DCAF4: variants seen among roughly 807,000 people sequenced by gnomAD.
DCAF4 encodes the protein DDB1- and CUL4-associated factor 4.
A neutral mutation model predicts 60.9 loss-of-function variants in DCAF4; 37 were observed. The ratio of observed to expected loss-of-function variants is 0.61; its 90% CI spans 0.47 to 0.80. The LOEUF (loss-of-function observed/expected upper bound fraction) is 0.80. Ranked by LOEUF, DCAF4 falls within the 30% of genes least tolerant of loss-of-function variation. The pLI, the probability that DCAF4 is intolerant of heterozygous loss-of-function variation, is 0.00. For missense variants in DCAF4, 577 were observed against 650.0 expected, an observed-to-expected ratio of 0.89 and a Z score of 1.22; for synonymous variants, 243 against 254.8, an observed-to-expected ratio of 0.95 and a Z score of 0.44.
intron 1 of DCAF4, among the ~76,000 whole-genome samples, chr14:72,937,519 C>T (rs1889444059): frequency 6.8e-6 from 1 of 146,996 alleles, no homozygotes. Context: ...CTCCCGGGTT[C>T]AAGCGATTCT....
intron 6 of DCAF4, among the ~76,000 whole-genome samples, chr14:72,943,959 C>T (rs919278330): frequency 6.6e-6 from 1 of 152,206 alleles, no homozygotes; most frequent in African/African-American, 2.4e-5. Flanking sequence ...GGACCGGGCC[C>T]ACATTCTCCC....
At chr14:72,960,240 C>A (rs772059357), downstream of DCAF4, among the ~76,000 whole-genome samples, 8 of 151,770 alleles carry the variant, frequency 5.3e-5, no homozygotes, top group Non-Finnish European at 1.0e-4. Flanking sequence ...CCCTCCACCT[C>A]CTGGGTTCTA....
chr14:72,928,598 T>TATAA, intron 1 of DCAF4, among the ~76,000 whole-genome samples: 1 of 27,450 alleles, frequency 3.6e-5, no homozygotes, highest in African/African-American at 6.8e-5. Flanking sequence ...TATATATATA[T>TATAA]ATATATATAT....
At chr14:72,928,006 G>A (rs988284498) in intron 1 of DCAF4, among the ~76,000 whole-genome samples, 9 of 151,414 alleles carry the variant, frequency 5.9e-5, no homozygotes, top group African/African-American at 2.2e-4. Context: ...TCACTATGTT[G>A]CCCAGGCTGG....
chr14:72,938,683 G>A (rs1256363830), intron 2 of DCAF4, among the ~76,000 whole-genome samples: 1 of 152,164 alleles, frequency 6.6e-6, no homozygotes, highest in Non-Finnish European at 1.5e-5. Context: ...GAGGCAGTCA[G>A]TACACAGTGG....
At position 72,955,914 on chromosome 14, in the gene DCAF4, C is replaced by CTTTTTTTTT. The variant is rs71109770; in HGVS notation, c.1179+236_1179+244dup. ...GTGAAAAGGATTCTCTGGTTATGTC[C>CTTTTTTTTT]TTTTTTTTTTTTTTTTTTTTTTTTT... On this transcript the variant is annotated intron_variant, in intron 12 of 13. Coordinates refer to ENST00000358377, the MANE Select transcript of DCAF4 (RefSeq NM_015604.4). Among the ~76,000 whole-genome samples the CTTTTTTTTT allele has an allele frequency of 2.0e-4, 11 of 54,728 alleles. 1 individual carries two copies. The highest frequency in any genetic ancestry group is 7.2e-4 in the African/African-American group (10 of 13,932). 35.9% of individuals were successfully genotyped at this position (54,728 alleles called of 152,430 possible). A position where few individuals can be genotyped will look rare whatever the true frequency, so the allele number is the denominator to read the frequency against.
intron 1 of DCAF4, chr14:72,929,949 C>G: frequency 1.1e-6 from 1 of 908,822 alleles, no homozygotes; most frequent in East Asian, 2.7e-5. Flanking sequence ...CTCTCCATGG[C>G]GGCCGTGGCG....
chr14:72,952,365 G>A (rs1891530492), intron 9 of DCAF4, among the ~76,000 whole-genome samples: 1 of 152,156 alleles, frequency 6.6e-6, no homozygotes, highest in Non-Finnish European at 1.5e-5. Flanking sequence ...TCCCAGCTCT[G>A]CCCCTTGCCA....
chr14:72,958,786 A>G lies in DCAF4; in HGVS notation c.1469A>G (p.Tyr490Cys), dbSNP rs1424221028. Residue 490 changes from tyrosine to cysteine, a missense_variant, in exon 14 of 14, where the codon TAC becomes TGC. By Grantham distance (194) the Tyr-to-Cys change is radical. Coordinates refer to ENST00000358377, the MANE Select transcript of DCAF4 (RefSeq NM_015604.4). The stretch of plus-strand genomic sequence containing the variant: ...CTCATGGCTGTCGGGCAGGACCTTT[A>G]CTGTTACTCCTACAGCTAATTCTGC... ...GLLMAVGQDL[Y>C]CYSYS is the part of the protein sequence containing the mutation. The G allele has an allele frequency of 6.3e-7, 1 of 1,577,850 alleles. No homozygotes were observed. The highest frequency in any genetic ancestry group is 1.4e-5 in the African/African-American group (1 of 73,708).
chr14:72,938,172 C>T, intron 2 of DCAF4, 102 bp downstream of exon 2: 1 of 1,422,426 alleles, frequency 7.0e-7, no homozygotes, highest in African/African-American at 1.4e-5. Context: ...CCTGGGGGCT[C>T]GTCCCAATGC....
chr14:72,953,890 C>T (rs1454251699), intron 9 of DCAF4, among the ~76,000 whole-genome samples: 1 of 147,696 alleles, frequency 6.8e-6, no homozygotes, highest in African/African-American at 2.5e-5. Context: ...TCGGAGCCAC[C>T]TTACCTCCAA....
rs749673409 is a variant in DCAF4, at chr14:72,941,733, TAATA to T, written c.352-7_352-4del. 3.7e-5 allele frequency: 60 copies of T among 1,611,616 alleles called. No homozygotes were observed. The highest frequency in any genetic ancestry group is 1.0e-5 in the Non-Finnish European group (12 of 1,178,768). On this transcript the variant is annotated splice_polypyrimidine_tract_variant and splice_region_variant and intron_variant, in intron 4 of 13. Coordinates refer to ENST00000358377, the MANE Select transcript of DCAF4 (RefSeq NM_015604.4). ...CTTCATTGAATTGTTCTCTTTTTTG[TAATA>T]AATATAGATTGCCAGGATGGGATTT...
intron 12 of DCAF4, among the ~76,000 whole-genome samples, chr14:72,956,121 C>T (rs1892264196): frequency 6.6e-6 from 1 of 151,938 alleles, no homozygotes; most frequent in Admixed American, 6.6e-5. Flanking sequence ...TGGGGTTTCA[C>T]CATGTTGGTC....
At chr14:72,938,348 G>A (rs1438027954) in intron 2 of DCAF4, among the ~76,000 whole-genome samples, 2 of 152,164 alleles carry the variant, frequency 1.3e-5, no homozygotes, top group Admixed American at 6.5e-5. Context: ...CAGAGCATTC[G>A]CCATAAAGCT....
At chr14:72,956,626 A>G in intron 13 of DCAF4, 126 bp downstream of exon 13, 1 of 863,306 alleles carries the variant, frequency 1.2e-6, no homozygotes, top group Non-Finnish European at 1.9e-6. Flanking sequence ...GAGTGTGGAC[A>G]GCTGGGTGGG....
Position 72,927,186 on chromosome 14 carries a change from C to T in DCAF4, c.-9+643C>T, listed in dbSNP as rs907846096. Among the ~76,000 whole-genome samples the T allele has an allele frequency of 2.1e-4, 32 of 152,300 alleles. 2 individuals carry two copies. The South Asian group carries it at 6.2e-3, about 30-fold the overall frequency. On this transcript the variant is annotated intron_variant, in intron 1 of 13. Coordinates refer to ENST00000358377, the MANE Select transcript of DCAF4 (RefSeq NM_015604.4). The stretch of plus-strand genomic sequence containing the variant: ...TCCCCGGGGGCTTCAGAAACCATGA[C>T]GCCTTTCACCATGGTGTTCTACAGG...
chr14:72,953,724 AAAAAAAAAAT>A (rs1311082909), intron 9 of DCAF4, among the ~76,000 whole-genome samples: 25 of 50,144 alleles, frequency 5.0e-4, no homozygotes, highest in Non-Finnish European at 7.4e-4. Context: ...AAAAAAAAAA[AAAAAAAAAAT>A]ATATATATAT....
At chr14:72,947,878 G>A (rs553377086) in intron 8 of DCAF4, among the ~76,000 whole-genome samples, 226 of 152,244 alleles carry the variant, frequency 1.5e-3, no homozygotes, top group African/African-American at 5.1e-3. Context: ...GTACAGTGTC[G>A]TGGTCCCTGG....
chr14:72,930,753 T>C (rs1888465126), intron 1 of DCAF4, among the ~76,000 whole-genome samples: 2 of 152,186 alleles, frequency 1.3e-5, no homozygotes, highest in Admixed American at 6.5e-5. Flanking sequence ...GTTTTATAGT[T>C]TTAGATCGAG....
Sources: allele counts gnomAD v4.1 joint callset (sites outside exome capture counted in the v4.1 genomes callset), GRCh38; gene constraint gnomAD v4.1.1; transcripts MANE v1.5; gene names NCBI Gene and HGNC (gene_info 2026-07-23, HGNC 2026-07-21).